FAM200A: variants seen among roughly 807,000 people sequenced by gnomAD.
FAM200A encodes protein FAM200A.
Under a neutral mutation model 44.2 loss-of-function variants are expected in FAM200A, and 26 were observed. The ratio of observed to expected loss-of-function variants is 0.59; its 90% confidence interval spans 0.43 to 0.82. The LOEUF is 0.82. FAM200A is among the 40% of genes least tolerant of loss of function. FAM200A has a pLI of 0.00. For synonymous variants in FAM200A, 206 were observed against 244.4 expected (o/e 0.84, Z 1.47); for missense variants, 606 against 669.5 (o/e 0.91, Z 1.05).
chr7:99,551,029 C>T (rs1456740004), intron 1 of FAM200A, among the ~76,000 whole-genome samples: 1 of 151,588 alleles, frequency 6.6e-6, no homozygotes, highest in Non-Finnish European at 1.5e-5. Context: ...GAGCCGAGAT[C>T]GCACCACTGC....
chr7:99,555,402 CTG>C (rs1406795471), upstream of FAM200A, among the ~76,000 whole-genome samples: 2 of 152,182 alleles, frequency 1.3e-5, no homozygotes, highest in Non-Finnish European at 2.9e-5. Flanking sequence ...AGCCTCCAGA[CTG>C]TGAACCAACA....
Position 99,546,983 on chromosome 7 carries a change from A to T in FAM200A, c.1425T>A (p.Asn475Lys), listed in dbSNP as rs760974824. 8 of 1,550,268 alleles carry T rather than the reference A, an allele frequency of 5.2e-6. No individual in the cohort carries two copies. The highest frequency in any genetic ancestry group is 7.0e-6 in the Non-Finnish European group (8 of 1,146,816). The change falls in exon 2 of 2, where the codon AAT becomes AAA. Residue 475 changes from asparagine to lysine, a missense_variant. Transcript: ENST00000449309. ...ATGATGAACTGAGCTGCAATAATTC[A>T]TTCTCTTCTTCAGGCTCCAAGTTTA... ...IELNLEPEEE[N>K]ELLQLSSSFT...
rs1802420900 is a variant in FAM200A at position 99,547,635 on chromosome 7, A to G, written c.773T>C (p.Met258Thr). The G allele has an allele frequency of 6.4e-7, 1 of 1,551,316 alleles. No individual in the cohort carries two copies. The highest frequency in any genetic ancestry group is 2.0e-5 in the Admixed American group (1 of 50,954). ...TTTCACTGCATTTTTCAATACATCCATCAGACTTGGTGAAATTTCTTTGGA... is the reference window on the plus strand; with the variant it reads ...TTTCACTGCATTTTTCAATACATCCGTCAGACTTGGTGAAATTTCTTTGGA... ...LVSKEISPSL[M>T]DVLKNAVKTV... Residue 258 changes from methionine (M) to threonine (T), a missense_variant, in exon 2 of 2, where the codon ATG becomes ACG. Met to Thr is a moderately conservative substitution (Grantham distance 81). Coordinates refer to ENST00000449309, the MANE Select transcript of FAM200A (RefSeq NM_145111.4).
At position 99,547,526 on chromosome 7, in the gene FAM200A, G is replaced by A; in HGVS notation, c.882C>T (p.His294=). 1 of 1,550,764 alleles carries A rather than the reference G, an allele frequency of 6.4e-7. No individual in the cohort carries two copies. Residue 294 remains histidine (H), a synonymous_variant, in exon 2 of 2, where the codon CAC becomes CAT. Coordinates refer to ENST00000449309, the MANE Select transcript of FAM200A (RefSeq NM_145111.4). ...FCSEIGVNHT[H]LLFHTEVRWL... The stretch of plus-strand genomic sequence containing the variant: ...AACGAACTTCTGTATGAAACAATAA[G>A]TGGGTGTGGTTCACTCCAATCTCTG...
At chr7:99,556,797 A>G (rs1361109589), upstream of FAM200A, among the ~76,000 whole-genome samples, 1 of 152,208 alleles carries the variant, frequency 6.6e-6, no homozygotes, top group Non-Finnish European at 1.5e-5. Flanking sequence ...GCACTTTGGG[A>G]GGCCAAGACG....
Position 99,546,715 on chromosome 7 carries a change from T to C in FAM200A, c.1693A>G (p.Met565Val), listed in dbSNP as rs1017324942. 6.5e-7 allele frequency: 1 copy of C among 1,538,848 alleles called. No individual in the cohort carries two copies. Among genetic ancestry groups the C allele is most frequent in the Admixed American group, 2.1e-5 (1 of 47,496 alleles). The stretch of plus-strand genomic sequence containing the variant: ...TGTGATGGGTGTGCTTGTCTGTTCA[T>C]AAGTTCCTTCCAGTCAGGAACACAT... ...SSCVPDWKEL[M>V]NRQAHPSH The change falls in exon 2 of 2, where the codon ATG (methionine) becomes GTG (valine). Residue 565 changes from methionine (M) to valine (V), a missense_variant. Met to Val is a conservative substitution (Grantham distance 21). Transcript: ENST00000449309.
chr7:99,555,850 G>A (rs1459855368), upstream of FAM200A, among the ~76,000 whole-genome samples: 1 of 152,088 alleles, frequency 6.6e-6, no homozygotes, highest in Non-Finnish European at 1.5e-5. Context: ...AGGTTGCAGT[G>A]AGCCGAGATC....
chr7:99,549,793 G>T (rs990971764), intron 1 of FAM200A, among the ~76,000 whole-genome samples: 1 of 152,018 alleles, frequency 6.6e-6, no homozygotes, highest in Admixed American at 6.6e-5. Context: ...GCAAACTATC[G>T]CAAGGACAGA....
At chr7:99,555,442 T>A (rs540032233), upstream of FAM200A, among the ~76,000 whole-genome samples, 6 of 152,322 alleles carry the variant, frequency 3.9e-5, no homozygotes, top group South Asian at 1.2e-3. Flanking sequence ...CCACCCAGTT[T>A]GTGGTACTTT....
At chr7:99,554,603 C>G (rs1289458906), upstream of FAM200A, among the ~76,000 whole-genome samples, 1 of 152,074 alleles carries the variant, frequency 6.6e-6, no homozygotes, top group Non-Finnish European at 1.5e-5. Flanking sequence ...TAAGATGGTC[C>G]CTAACCAACA....
chr7:99,553,083 ATATATATATATATATATTTTTT>A, upstream of FAM200A, among the ~76,000 whole-genome samples: 1 of 95,102 alleles, frequency 1.1e-5, no homozygotes, highest in East Asian at 3.6e-4. Context: ...ATATATATAT[ATATATATATATATATATTTTTT>A]TTTTTTTTTT....
intron 1 of FAM200A, among the ~76,000 whole-genome samples, chr7:99,557,351 G>T (rs916231388): frequency 6.6e-6 from 1 of 152,190 alleles, no homozygotes; most frequent in Admixed American, 6.5e-5. Flanking sequence ...TACAACCTGT[G>T]AAGGGTTCTA....
rs1282780909 is a variant in FAM200A at position 99,547,984 on chromosome 7, T to C, written c.424A>G (p.Ile142Val). The C allele has an allele frequency of 6.4e-7, 1 of 1,551,494 alleles. No individual in the cohort carries two copies. The highest frequency in any genetic ancestry group is 2.0e-5 in the Admixed American group (1 of 51,006). The change falls in exon 2 of 2, where the codon ATC becomes GTC. Residue 142 changes from isoleucine (I) to valine (V), a missense_variant. Transcript: ENST00000449309. ...TRLQSGIDFA[I>V]QLDESTDIAS... is the part of the protein sequence containing the mutation. ...ATATCAGTGCTCTCATCGAGTTGGATTGCAAAGTCTATACCGGACTGCAGC... is the reference window on the plus strand; with the variant it reads ...ATATCAGTGCTCTCATCGAGTTGGACTGCAAAGTCTATACCGGACTGCAGC...
rs1308701420 is a variant in FAM200A, at chr7:99,546,852, G to A, written c.1556C>T (p.Pro519Leu). ...TTCACACAAATATGTAGTTGTGAAT[G>A]GTAGTAACAGCAATATACTCTTCCT... ...LSRKSILLLLPFTTTYLCELG... is the reference protein window; with the variant it reads ...LSRKSILLLLLFTTTYLCELG... Residue 519 changes from proline (P) to leucine (L), a missense_variant, in exon 2 of 2, where the codon CCA (proline) becomes CTA (leucine). By Grantham distance (98) the Pro-to-Leu change is moderately conservative. Coordinates refer to ENST00000449309, the MANE Select transcript of FAM200A (RefSeq NM_145111.4). The A allele has an allele frequency of 1.3e-6, 2 of 1,551,338 alleles. No homozygotes were observed. Among genetic ancestry groups the A allele is most frequent in the Admixed American group, 3.9e-5 (2 of 50,936 alleles).
chr7:99,548,518 A>G lies in FAM200A; in HGVS notation c.-99-12T>C. 6.7e-7 allele frequency: 1 copy of G among 1,486,908 alleles called. No homozygotes were observed. The highest frequency in any genetic ancestry group is 8.9e-7 in the Non-Finnish European group (1 of 1,119,802). The allele number at this position is 1,486,908 out of a possible 1,614,324, so 92.1% of individuals were successfully genotyped here. ...CAGGTTTTGCTATCCTGCAGGGTAG[A>G]AAAACGTAACAGCAGTATTAAAAAG... On this transcript the variant is annotated splice_polypyrimidine_tract_variant and intron_variant, in intron 1 of 1. Transcript: ENST00000449309.
At chr7:99,556,539 A>C (rs1293521409), upstream of FAM200A, among the ~76,000 whole-genome samples, 1 of 151,918 alleles carries the variant, frequency 6.6e-6, no homozygotes, top group African/African-American at 2.4e-5. Context: ...TCAACCTCAT[A>C]TTTCTGGACT....
chr7:99,549,175 C>T (rs1230932216), intron 1 of FAM200A, among the ~76,000 whole-genome samples: 11 of 134,512 alleles, frequency 8.2e-5, no homozygotes, highest in East Asian at 3.5e-4. Context: ...ACTTGTATTT[C>T]TTAAAAATAA....
chr7:99,546,753 AC>A lies in FAM200A; in HGVS notation c.1654del (p.Val552Ter). ...GTCAGGAACACATGAAGATAATGCT[AC>A]CCGCATATCTGGTGCACTATTGAGC... Reference protein sequence around the residue: ...NRLNSAPDMRVALSSCVPDWK... With the variant: ...NRLNSAPDMRXALSSCVPDWK... On this transcript the variant is annotated frameshift_variant, in exon 2 of 2. Transcript: ENST00000449309. LOFTEE classifies it high-confidence loss of function. 2 of 1,549,782 alleles carry A rather than the reference AC, an allele frequency of 1.3e-6. No individual in the cohort carries two copies. The highest frequency in any genetic ancestry group is 1.7e-6 in the Non-Finnish European group (2 of 1,146,524).
rs758647176 is a variant in FAM200A, at chr7:99,548,062, AT to A, written c.345del (p.Ser116LeufsTer23). 3.4e-5 allele frequency: 52 copies of A among 1,551,444 alleles called. 2 individuals are homozygous for A. In the South Asian group the frequency reaches 6.1e-4, roughly 18 times the overall value. On this transcript the variant is annotated frameshift_variant, in exon 2 of 2. Coordinates refer to ENST00000449309, the MANE Select transcript of FAM200A (RefSeq NM_145111.4). LOFTEE classifies it high-confidence loss of function. ...LRTIPLSDNT[I>X]SRRICTIAKH... The stretch of plus-strand genomic sequence containing the variant: ...TTTGCAATCGTACAGATTCGACGAG[AT>A]ATTGTATTATCACTAAGAGGTATAG...
Sources: allele counts gnomAD v4.1 joint callset (sites outside exome capture counted in the v4.1 genomes callset), GRCh38; gene constraint gnomAD v4.1.1; transcripts MANE v1.5; gene names NCBI Gene and HGNC (gene_info 2026-07-23, HGNC 2026-07-21).